The following ELOVL2 variants were observed in gnomAD, a reference collection of about 807,000 sequenced individuals.
The protein encoded by ELOVL2 is ELOVL fatty acid elongase 2, also known as very long chain fatty acid elongase 2.
In ELOVL2, 38 loss-of-function variants were observed where a neutral mutation model predicts 37.7. The observed-to-expected ratio is 1.01, with a 90% CI of 0.78 to 1.32. The LOEUF is 1.32. Among genes scored for constraint, ELOVL2 ranks in the 40% most tolerant of loss-of-function variants. ELOVL2 has a pLI of 0.00. For synonymous variants in ELOVL2, 115 were observed against 122.3 expected, an observed-to-expected ratio of 0.94 and a Z score of 0.40; for missense variants, 352 against 363.6, an observed-to-expected ratio of 0.97 and a Z score of 0.26.
Position 10,987,576 on chromosome 6 carries a change from ATCTT to A in ELOVL2, c.765+2123_765+2126del, listed in dbSNP as rs376419314. On this transcript the variant is annotated intron_variant, in intron 7 of 7. Transcript: ENST00000354666. The stretch of plus-strand genomic sequence containing the variant: ...TTTGTTCTTATTGGTTTCAAAGAAC[ATCTT>A]TCTTTATTTCTGCCTAGATTTCATG... Among the ~76,000 whole-genome samples, 454 of 152,266 alleles carry A rather than the reference ATCTT, an allele frequency of 3.0e-3. 2 individuals are homozygous for A. Among genetic ancestry groups the A allele is most frequent in the South Asian group, 0.021 (100 of 4,824 alleles).
intron 1 of ELOVL2, among the ~76,000 whole-genome samples, chr6:11,011,907 C>T (rs548668841): frequency 6.6e-6 from 1 of 152,268 alleles, no homozygotes; most frequent in African/African-American, 2.4e-5. Context: ...GAAGGTGGGG[C>T]CAGCGGGTTG....
At chr6:10,988,340 G>C (rs560916845) in intron 7 of ELOVL2, among the ~76,000 whole-genome samples, 1 of 152,192 alleles carries the variant, frequency 6.6e-6, no homozygotes, top group Non-Finnish European at 1.5e-5. Flanking sequence ...CAAGGTGGGC[G>C]GATCACCTGA....
chr6:11,003,920 A>T (rs992627853), intron 3 of ELOVL2, among the ~76,000 whole-genome samples: 4 of 142,950 alleles, frequency 2.8e-5, no homozygotes, highest in South Asian at 2.2e-4. Flanking sequence ...CATCTCTACT[A>T]AAAAAAAAAA....
At chr6:11,020,634 C>T (rs1782752567) in intron 1 of ELOVL2, among the ~76,000 whole-genome samples, 1 of 152,128 alleles carries the variant, frequency 6.6e-6, no homozygotes, top group South Asian at 2.1e-4. Context: ...GACTCCAACC[C>T]CACAGTAAGA....
rs368228378 is a variant in ELOVL2, at chr6:11,001,524, A to G, written c.256-1360T>C. On this transcript the variant is annotated intron_variant, in intron 3 of 7. Transcript: ENST00000354666. ...AAGAAAGCTGTTTAACTTTGTGTAC[A>G]AGGATTAATTAAAAACCTCTATGGT... is the stretch of plus-strand genomic sequence containing the variant. 7.2e-5 allele frequency among the ~76,000 whole-genome samples: 11 copies of G among 152,328 alleles called. No individual in the cohort carries two copies. The East Asian group carries it at 9.6e-4, about 13-fold the overall frequency.
intron 1 of ELOVL2, among the ~76,000 whole-genome samples, chr6:11,026,969 T>C (rs1782846526): frequency 6.6e-6 from 1 of 152,206 alleles, no homozygotes; most frequent in Non-Finnish European, 1.5e-5. Flanking sequence ...AACACATCCA[T>C]TACCTCACAT....
intron 1 of ELOVL2, among the ~76,000 whole-genome samples, chr6:11,029,958 G>C (rs1022726813): frequency 1.3e-5 from 2 of 152,304 alleles, no homozygotes; most frequent in South Asian, 2.1e-4. Context: ...TTTGTAAAGA[G>C]GGAATGGCAG....
intron 6 of ELOVL2, 69 bp downstream of exon 6, chr6:10,990,249 C>A: frequency 6.4e-7 from 1 of 1,569,088 alleles, no homozygotes; most frequent in Admixed American, 2.1e-5. Flanking sequence ...CCTCTGACTT[C>A]TAAGATTTCT....
chr6:11,004,044 T>C lies in ELOVL2; in HGVS notation c.255+1328A>G, dbSNP rs191456531. Among the ~76,000 whole-genome samples, 435 of 151,666 alleles carry C rather than the reference T, an allele frequency of 2.9e-3. 4 individuals are homozygous for C. The highest frequency in any genetic ancestry group is 4.2e-3 in the Non-Finnish European group (286 of 67,872). On this transcript the variant is annotated intron_variant, in intron 3 of 7. Coordinates refer to ENST00000354666, the MANE Select transcript of ELOVL2 (RefSeq NM_017770.4). Reference sequence around the variant, plus strand: ...GTTGCAGTGAGCTGAGATTGCGCCATTGCACTCCAGCCTGGGTGACACAGC... The same window carrying C: ...GTTGCAGTGAGCTGAGATTGCGCCACTGCACTCCAGCCTGGGTGACACAGC...
Position 10,982,384 on chromosome 6 carries a change from TGTCAG to T in ELOVL2, c.*1392_*1396del, listed in dbSNP as rs1781954025. 6.6e-6 allele frequency: 1 copy of T among 152,114 alleles called. No individual in the cohort carries two copies. Among genetic ancestry groups the T allele is most frequent in the Non-Finnish European group, 1.5e-5 (1 of 68,024 alleles). 9.4% of individuals were successfully genotyped at this position (152,114 alleles called of 1,614,324 possible). ...CTGGTGTGCATGTATTTGATGTCAG[TGTCAG>T]GACCTAAAAACTTATTTAAAAAAAT... is the stretch of plus-strand genomic sequence containing the variant. On this transcript the variant is annotated 3_prime_UTR_variant, in exon 8 of 8. Transcript: ENST00000354666.
At chr6:10,995,747 C>T (rs1260951126) in intron 4 of ELOVL2, among the ~76,000 whole-genome samples, 1 of 152,168 alleles carries the variant, frequency 6.6e-6, no homozygotes, top group South Asian at 2.1e-4. Flanking sequence ...AATCAATAGA[C>T]ATAATAGGGT....
At chr6:11,002,467 T>G (rs1381127064) in intron 3 of ELOVL2, among the ~76,000 whole-genome samples, 1 of 152,132 alleles carries the variant, frequency 6.6e-6, no homozygotes, top group African/African-American at 2.4e-5. Flanking sequence ...ACCCCCAGAG[T>G]GTCAAAGAAG....
chr6:10,991,702 C>T (rs3798707), intron 5 of ELOVL2, among the ~76,000 whole-genome samples: 81,058 of 152,048 alleles, frequency 0.53, 22,630 homozygotes, highest in East Asian at 0.91. Flanking sequence ...TAAACTGTTA[C>T]GGCGCTTGAA....
intron 1 of ELOVL2, among the ~76,000 whole-genome samples, chr6:11,023,950 T>C (rs1782805185): frequency 6.6e-6 from 1 of 152,260 alleles, no homozygotes; most frequent in Admixed American, 6.5e-5. Context: ...TAACTTTAGA[T>C]AATTGAATTT....
intron 7 of ELOVL2, among the ~76,000 whole-genome samples, chr6:10,988,512 C>T (rs369089420): frequency 7.9e-5 from 12 of 152,200 alleles, no homozygotes; most frequent in South Asian, 2.1e-4. Context: ...TGTGTTGAGC[C>T]GAGACTGCGC....
intron 1 of ELOVL2, among the ~76,000 whole-genome samples, chr6:11,033,563 T>A (rs1410134903): frequency 6.6e-6 from 1 of 152,250 alleles, no homozygotes; most frequent in Non-Finnish European, 1.5e-5. Context: ...TCTGAAGTTA[T>A]GTTTCAAATC....
chr6:11,025,979 ACT>A (rs754389930), intron 1 of ELOVL2, among the ~76,000 whole-genome samples: 1 of 152,170 alleles, frequency 6.6e-6, no homozygotes, highest in Non-Finnish European at 1.5e-5. Flanking sequence ...CAGTTCGGTA[ACT>A]CTAATGGGTA....
Position 10,995,047 on chromosome 6 carries a change from G to A in ELOVL2, c.465C>T (p.Asn155=). 1.2e-6 allele frequency: 2 copies of A among 1,612,508 alleles called. No individual in the cohort carries two copies. Among genetic ancestry groups the A allele is most frequent in the Non-Finnish European group, 1.7e-6 (2 of 1,179,366 alleles). Residue 155 remains asparagine (N), a synonymous_variant, in exon 5 of 8, where the codon AAC becomes AAT. Coordinates refer to ENST00000354666, the MANE Select transcript of ELOVL2 (RefSeq NM_017770.4). ...LHVYHHASMF[N]IWWCVLNWIP... ...TCCAGTTCAAGACACACCACCAGAT[G>A]TTAAACATAGAAGCATGATGATATA...
chr6:11,016,719 C>A (rs566957563), intron 1 of ELOVL2, among the ~76,000 whole-genome samples: 1 of 152,312 alleles, frequency 6.6e-6, no homozygotes, highest in Admixed American at 6.5e-5. Context: ...ATGTTGAAAC[C>A]TCTTTTGGTA....
Sources: gnomAD v4.1 joint callset for allele counts (sites outside exome capture counted in the v4.1 genomes callset) on GRCh38, gnomAD v4.1.1 for gene constraint, MANE v1.5 for transcripts, NCBI Gene and HGNC (gene_info 2026-07-23, HGNC 2026-07-21) for gene names.